MCOLN3: variants seen among roughly 807,000 people sequenced by gnomAD.
MCOLN3 encodes mucolipin-3.
A neutral mutation model predicts 69.4 loss-of-function variants in MCOLN3; 62 were observed. The observed-to-expected ratio is 0.89, with a 90% CI of 0.73 to 1.10. The LOEUF is 1.10. MCOLN3 is among the 50% of genes least tolerant of loss of function. The pLI is 0.00. For synonymous variants in MCOLN3, 183 were observed against 217.0 expected (o/e 0.84, Z 1.38); for missense variants, 564 against 656.4 (o/e 0.86, Z 1.54).
chr1:85,045,190 A>T lies in MCOLN3; in HGVS notation c.171T>A (p.Gly57=), dbSNP rs1290121050. 6.2e-7 allele frequency: 1 copy of T among 1,614,046 alleles called. No homozygotes were observed. Among genetic ancestry groups the T allele is most frequent in the South Asian group, 1.1e-5 (1 of 91,072 alleles). The change falls in exon 2 of 13, where the codon GGT becomes GGA. Residue 57 remains glycine, a synonymous_variant. Transcript: ENST00000370589. The part of the protein sequence containing the change: ...MNPCEKFWAR[G]RKPWKLAIQI... ...GTATGGCAAGTTTCCATGGTTTTCT[A>T]CCTCGAGCCCAGAACTTCTCACAGG...
chr1:85,020,533 G>T (rs1651872945), intron 12 of MCOLN3, among the ~76,000 whole-genome samples: 1 of 152,170 alleles, frequency 6.6e-6, no homozygotes, highest in African/African-American at 2.4e-5. Context: ...TTCAGTTCAG[G>T]TATCTGACTG....
At chr1:85,037,016 T>C (rs1225345132) in intron 3 of MCOLN3, 1 of 152,168 alleles carries the variant, frequency 6.6e-6, no homozygotes, top group East Asian at 1.9e-4. Flanking sequence ...GTCAGATTAA[T>C]GGTGAGGTGA....
chr1:85,048,129 C>T (rs2102950655), intron 1 of MCOLN3, among the ~76,000 whole-genome samples: 1 of 152,308 alleles, frequency 6.6e-6, no homozygotes, highest in Non-Finnish European at 1.5e-5. Flanking sequence ...GACCGAGGAG[C>T]AGAGCACCCC....
chr1:85,046,864 T>C (rs1323617179), intron 1 of MCOLN3, among the ~76,000 whole-genome samples: 1 of 152,244 alleles, frequency 6.6e-6, no homozygotes, highest in Admixed American at 6.5e-5. Flanking sequence ...CATTAAAGTG[T>C]GGCTCCTGTG....
intron 9 of MCOLN3, chr1:85,025,738 G>GGTT: frequency 1.8e-6 from 1 of 545,400 alleles, no homozygotes; most frequent in Non-Finnish European, 3.2e-6. Context: ...TGATGCAATG[G>GGTT]TTTGTGGATC....
chr1:85,037,433 A>G (rs1389418850), intron 3 of MCOLN3, among the ~76,000 whole-genome samples: 1 of 152,218 alleles, frequency 6.6e-6, no homozygotes, highest in Non-Finnish European at 1.5e-5. Context: ...CAGTCCCCAC[A>G]AGAATCACCT....
At chr1:85,019,565 C>T (rs17371282) in intron 12 of MCOLN3, among the ~76,000 whole-genome samples, 4,720 of 152,292 alleles carry the variant, frequency 0.031, 108 homozygotes, top group South Asian at 0.096. Flanking sequence ...ATCCCAAGTC[C>T]GAGAACCTCT....
intron 9 of MCOLN3, chr1:85,025,226 G>T (rs1460340809): frequency 2.6e-5 from 4 of 152,144 alleles, no homozygotes; most frequent in African/African-American, 9.7e-5. Context: ...ACAGAAATAA[G>T]CTCCTATCTT....
intron 2 of MCOLN3, among the ~76,000 whole-genome samples, chr1:85,044,091 T>C (rs1267621636): frequency 6.6e-6 from 1 of 152,206 alleles, no homozygotes; most frequent in East Asian, 1.9e-4. Flanking sequence ...CAAACATCAG[T>C]TTCCTCTTCT....
rs763308383 is a variant in MCOLN3, at chr1:85,019,191, G to A, written c.1594C>T (p.Pro532Ser). The change falls in exon 13 of 13, where the codon CCC becomes TCC. Residue 532 changes from proline to serine, a missense_variant. By Grantham distance (74) the Pro-to-Ser change is moderately conservative. Transcript: ENST00000370589. ...TCTAATCTGTATTTTCCAGAGTTGG[G>A]TAGATCTTTGCATTCTGATATAAAT... ...RTFISECKDL[P>S]NSGKYRLEDD... The A allele has an allele frequency of 1.2e-6, 2 of 1,613,344 alleles. No homozygotes were observed. Among genetic ancestry groups the A allele is most frequent in the Non-Finnish European group, 8.5e-7 (1 of 1,179,326 alleles).
At chr1:85,031,112 A>G (rs527677814) in intron 6 of MCOLN3, among the ~76,000 whole-genome samples, 7 of 152,158 alleles carry the variant, frequency 4.6e-5, no homozygotes, top group African/African-American at 1.7e-4. Context: ...CTCTACTAAA[A>G]ATACAAAAAC....
intron 1 of MCOLN3, among the ~76,000 whole-genome samples, chr1:85,046,509 G>A (rs556209859): frequency 3.2e-4 from 48 of 152,064 alleles, no homozygotes; most frequent in Non-Finnish European, 6.3e-4. Flanking sequence ...CCTTCCATAC[G>A]GAATAGAAAG....
intron 6 of MCOLN3, chr1:85,030,011 T>C (rs1652423868): frequency 6.6e-6 from 1 of 152,238 alleles, no homozygotes; most frequent in African/African-American, 2.4e-5. Context: ...ACTTCAAATA[T>C]AAGATTTCAA....
chr1:85,028,264 T>C (rs564513224), intron 7 of MCOLN3, among the ~76,000 whole-genome samples: 2 of 152,374 alleles, frequency 1.3e-5, no homozygotes, highest in South Asian at 2.1e-4. Context: ...ACGTCTGAAC[T>C]TGGCAAATCA....
At chr1:85,032,038 T>A (rs142129343) in intron 6 of MCOLN3, among the ~76,000 whole-genome samples, 5,623 of 151,970 alleles carry the variant, frequency 0.037, 194 homozygotes, top group East Asian at 0.19. Context: ...ATCGCGCCAC[T>A]GCACTCCAGC....
At chr1:85,044,924 G>C (rs528991751) in intron 2 of MCOLN3, among the ~76,000 whole-genome samples, 4 of 151,846 alleles carry the variant, frequency 2.6e-5, no homozygotes, top group Non-Finnish European at 5.9e-5. Context: ...ATAACTTAGC[G>C]AACGATACAA....
chr1:85,045,850 G>C (rs1653321922), intron 1 of MCOLN3, among the ~76,000 whole-genome samples: 1 of 152,162 alleles, frequency 6.6e-6, no homozygotes, highest in Non-Finnish European at 1.5e-5. Flanking sequence ...AAAGATAGCA[G>C]GGTGTAGTGT....
chr1:85,043,793 G>A (rs1653200072), intron 2 of MCOLN3, among the ~76,000 whole-genome samples: 1 of 151,560 alleles, frequency 6.6e-6, no homozygotes, highest in Non-Finnish European at 1.5e-5. Context: ...ATAATAGAGA[G>A]AATGCCTGCC....
chr1:85,022,066 G>C lies in MCOLN3; in HGVS notation c.1320+4C>G. 3.7e-6 allele frequency: 6 copies of C among 1,613,000 alleles called. No individual in the cohort carries two copies. Among genetic ancestry groups the C allele is most frequent in the Non-Finnish European group, 5.1e-6 (6 of 1,179,608 alleles). On this transcript the variant is annotated splice_donor_region_variant and intron_variant, in intron 11 of 12. Transcript: ENST00000370589. ...GTAACAGGAAAAAAGTTGTTTATCA[G>C]TACCTTGTCATGGTAAGGCCCCAGC...
Sources: gnomAD v4.1 joint callset for allele counts (sites outside exome capture counted in the v4.1 genomes callset) on GRCh38, gnomAD v4.1.1 for gene constraint, MANE v1.5 for transcripts, NCBI Gene and HGNC (gene_info 2026-07-23, HGNC 2026-07-21) for gene names.